The following AJAP1 variants were observed in gnomAD, a reference collection of about 807,000 sequenced individuals.
The protein encoded by AJAP1 is adherens junction-associated protein 1.
AJAP1 carries 5 observed loss-of-function variants against 35.0 expected under a neutral mutation model. That is an observed-to-expected ratio of 0.14 (90% CI 0.07 to 0.30). The LOEUF (loss-of-function observed/expected upper bound fraction) is 0.30, where lower values mean the gene tolerates loss of function less well. Among genes scored for constraint, AJAP1 ranks in the 10% least tolerant of loss-of-function variants. The pLI is 1.00. For synonymous variants in AJAP1, 284 were observed against 249.3 expected (o/e 1.14, Z -1.31); for missense variants, 586 against 571.0 (o/e 1.03, Z -0.27).
At chr1:4,754,657 G>C (rs890184564) in intron 2 of AJAP1, among the ~76,000 whole-genome samples, 7 of 152,204 alleles carry the variant, frequency 4.6e-5, no homozygotes, top group African/African-American at 1.7e-4. Context: ...CTGAACATTT[G>C]TCTATTTGTT....
At chr1:4,752,321 G>C (rs1332089512) in intron 2 of AJAP1, among the ~76,000 whole-genome samples, 14 of 152,044 alleles carry the variant, frequency 9.2e-5, no homozygotes, top group Non-Finnish European at 2.1e-4. Flanking sequence ...CCCCAGGAAA[G>C]ATGTCCAGTA....
chr1:4,760,015 C>T (rs911294091), intron 2 of AJAP1, among the ~76,000 whole-genome samples: 1 of 152,312 alleles, frequency 6.6e-6, no homozygotes, highest in East Asian at 1.9e-4. Flanking sequence ...TCCTTCCCCC[C>T]AGCACTGGCC....
chr1:4,689,453 C>T (rs944794665), intron 1 of AJAP1, among the ~76,000 whole-genome samples: 7 of 152,160 alleles, frequency 4.6e-5, no homozygotes, highest in South Asian at 2.1e-4. Context: ...AGGCGGGGGG[C>T]GTTCCTGGCA....
chr1:4,780,633 C>CTT (rs35738488), intron 5 of AJAP1, among the ~76,000 whole-genome samples: 31,040 of 131,306 alleles, frequency 0.24, 4,277 homozygotes, highest in Middle Eastern at 0.34. Context: ...TTCTTTCTTT[C>CTT]TTTTTTTTTT....
At chr1:4,772,645 T>C (rs1641862684) in intron 4 of AJAP1, 120 bp downstream of exon 4, 2 of 1,431,638 alleles carry the variant, frequency 1.4e-6, no homozygotes, top group South Asian at 2.8e-5. Flanking sequence ...GAGGTCGCTT[T>C]GAGGGGCCCA....
At chr1:4,661,919 C>T (rs1639007095) in intron 1 of AJAP1, among the ~76,000 whole-genome samples, 1 of 152,144 alleles carries the variant, frequency 6.6e-6, no homozygotes, top group Admixed American at 6.5e-5. Flanking sequence ...AAATATGTCA[C>T]CAAATCCAAG....
intron 2 of AJAP1, among the ~76,000 whole-genome samples, chr1:4,763,556 G>A (rs980081845): frequency 6.6e-6 from 1 of 152,186 alleles, no homozygotes; most frequent in Non-Finnish European, 1.5e-5. Context: ...TTCTGGGGGT[G>A]TCTGTGAAGG....
At chr1:4,743,456 T>C (rs1194586558) in intron 2 of AJAP1, among the ~76,000 whole-genome samples, 1 of 152,160 alleles carries the variant, frequency 6.6e-6, no homozygotes, top group Non-Finnish European at 1.5e-5. Context: ...ACTTATACTT[T>C]ACAGGAAGTG....
rs1638839527 is a variant in AJAP1 at position 4,654,914 on chromosome 1, C to G, written c.-512C>G. ...CCGACCCGGCAGCGCGGAGGGGACT[C>G]GCGTCCGTCCGCGTCGCGTCACCCC... On this transcript the variant is annotated 5_prime_UTR_variant, in exon 1 of 6. Transcript: ENST00000378191. This position sits in a 1 kb window ranked among gnomAD's most constrained non-coding sequence, Gnocchi z 5.1. 1 of 149,686 alleles carries G rather than the reference C, an allele frequency of 6.7e-6. No homozygotes were observed. The highest frequency in any genetic ancestry group is 2.4e-5 in the African/African-American group (1 of 41,246). The allele number at this position is 149,686 out of a possible 1,614,324, so 9.3% of individuals were successfully genotyped here.
intron 2 of AJAP1, among the ~76,000 whole-genome samples, chr1:4,762,728 C>A (rs1203091040): frequency 1.3e-5 from 2 of 152,138 alleles, no homozygotes; most frequent in Non-Finnish European, 2.9e-5. Context: ...AATTATTAAG[C>A]CTGAGGGTGA....
intron 5 of AJAP1, 42 bp downstream of exon 5, chr1:4,774,600 C>T (rs917559094): frequency 5.3e-6 from 6 of 1,138,182 alleles, no homozygotes; most frequent in Middle Eastern, 1.9e-4. Flanking sequence ...CGTTCCCTTT[C>T]CTCCCCTCCC....
chr1:4,746,430 C>T (rs1641189601), intron 2 of AJAP1, among the ~76,000 whole-genome samples: 1 of 152,080 alleles, frequency 6.6e-6, no homozygotes, highest in African/African-American at 2.4e-5. Context: ...GGGGAGGGAG[C>T]ACCGTTCAAC....
At chr1:4,671,578 A>G (rs1639249671) in intron 1 of AJAP1, among the ~76,000 whole-genome samples, 1 of 152,004 alleles carries the variant, frequency 6.6e-6, no homozygotes, top group African/African-American at 2.4e-5. Flanking sequence ...ACCACCGGGA[A>G]CAAATGCACC....
Position 4,705,395 on chromosome 1 carries a change from CTTTTTTTTTTTTTTTT to C in AJAP1, c.30-6486_30-6471del, listed in dbSNP as rs58022692. ...AGCCAAATGGGGAAGTTTTGAAGAG[CTTTTTTTTTTTTTTTT>C]TTTTTTTTTTTTTTTTTTAATGAGT... On this transcript the variant is annotated intron_variant, in intron 1 of 5. Coordinates refer to ENST00000378191, the MANE Select transcript of AJAP1 (RefSeq NM_018836.4). Among the ~76,000 whole-genome samples the C allele has an allele frequency of 8.4e-4, 20 of 23,764 alleles. 1 individual carries two copies. The South Asian group carries it at 1.0e-2, about 12-fold the overall frequency. 15.6% of individuals were successfully genotyped at this position (23,764 alleles called of 152,430 possible).
At position 4,707,877 on chromosome 1, in the gene AJAP1, T is replaced by G. The variant is rs150580871; in HGVS notation, c.30-4023T>G. On this transcript the variant is annotated intron_variant, in intron 1 of 5. Transcript: ENST00000378191. ...ATTCCCACCAACAGCATACTAGGTCTCTCATCTCCTCGTGTCCTCGCCAGC... is the reference window on the plus strand; with the variant it reads ...ATTCCCACCAACAGCATACTAGGTCGCTCATCTCCTCGTGTCCTCGCCAGC... Among the ~76,000 whole-genome samples, 1,193 of 151,834 alleles carry G rather than the reference T, an allele frequency of 7.9e-3. 20 individuals carry two copies. Among genetic ancestry groups the G allele is most frequent in the African/African-American group, 0.027 (1,120 of 41,386 alleles).
chr1:4,710,475 G>A lies in AJAP1; in HGVS notation c.30-1425G>A, dbSNP rs935867581. 1.3e-4 allele frequency among the ~76,000 whole-genome samples: 20 copies of A among 152,050 alleles called. 1 individual carries two copies. The South Asian group carries it at 3.5e-3, about 27-fold the overall frequency. ...GTCACACACGTACACACTCACATACGTGTGCTTGCCTACACGCACACACTC... is the reference window on the plus strand; with the variant it reads ...GTCACACACGTACACACTCACATACATGTGCTTGCCTACACGCACACACTC... On this transcript the variant is annotated intron_variant, in intron 1 of 5. Coordinates refer to ENST00000378191, the MANE Select transcript of AJAP1 (RefSeq NM_018836.4).
In AJAP1 at chr1:4,743,376, G is replaced by T. The variant is rs922575870; in HGVS notation, c.830-26477G>T. Among the ~76,000 whole-genome samples, 5 of 152,310 alleles carry T rather than the reference G, an allele frequency of 3.3e-5. No individual in the cohort carries two copies. In the East Asian group the frequency reaches 9.7e-4, roughly 29 times the overall value. On this transcript the variant is annotated intron_variant, in intron 2 of 5. Coordinates refer to ENST00000378191, the MANE Select transcript of AJAP1 (RefSeq NM_018836.4). Reference sequence around the variant, plus strand: ...GCCAGGGAAGGAGGGCAGAAAAGGGGCTCGAGACAGTGCACCTGGTTATGG... The same window carrying T: ...GCCAGGGAAGGAGGGCAGAAAAGGGTCTCGAGACAGTGCACCTGGTTATGG...
At position 4,712,632 on chromosome 1, in the gene AJAP1, G is replaced by A. The variant is rs1338664397; in HGVS notation, c.762G>A (p.Glu254=). Residue 254 remains glutamate, a synonymous_variant, in exon 2 of 6, where the codon GAG becomes GAA. Coordinates refer to ENST00000378191, the MANE Select transcript of AJAP1 (RefSeq NM_018836.4). The stretch of plus-strand genomic sequence containing the variant: ...TCCCAGGTGGGGTTAGCACAACGGA[G>A]CCTTCCACCAGTCCCAGCAACAACG... The part of the protein sequence containing the change: ...RRIPGGVSTT[E]PSTSPSNNGE... 2.6e-6 allele frequency: 4 copies of A among 1,567,472 alleles called. No homozygotes were observed. In the South Asian group the frequency reaches 3.5e-5, roughly 14 times the overall value.
At position 4,783,495 on chromosome 1, in the gene AJAP1, A is replaced by ATG. The variant is rs1477280958; in HGVS notation, c.*1011_*1012insGT. 11 of 135,932 alleles carry ATG rather than the reference A, an allele frequency of 8.1e-5. No homozygotes were observed. The South Asian group carries it at 2.4e-3, about 29-fold the overall frequency. The allele number at this position is 135,932 out of a possible 1,614,324, so 8.4% of individuals were successfully genotyped here. ...TGTATATATATATATATATATATAT[A>ATG]TATATATATATATATGTTTGTGTGT... On this transcript the variant is annotated 3_prime_UTR_variant, in exon 6 of 6. Transcript: ENST00000378191.
Sources: allele counts gnomAD v4.1 joint callset (sites outside exome capture counted in the v4.1 genomes callset), GRCh38; gene constraint gnomAD v4.1.1; non-coding constraint Gnocchi (gnomAD v3.1); transcripts MANE v1.5; gene names NCBI Gene and HGNC (gene_info 2026-07-23, HGNC 2026-07-21).